RABGAP1L: variants seen among roughly 807,000 people sequenced by gnomAD.
RABGAP1L encodes the protein rab GTPase-activating protein 1-like.
A neutral mutation model predicts 137.7 loss-of-function variants in RABGAP1L; 63 were observed. The observed-to-expected ratio is 0.46, with a 90% CI of 0.37 to 0.56. The LOEUF is 0.56. RABGAP1L is among the 20% of genes least tolerant of loss of function. The probability of loss-of-function intolerance (pLI) is 0.00; values close to 1 mark genes in which losing one functional copy is unlikely to be tolerated. For missense variants in RABGAP1L, 1,095 were observed against 1,244.0 expected, an observed-to-expected ratio of 0.88 and a Z score of 1.80; for synonymous variants, 431 against 433.7, an observed-to-expected ratio of 0.99 and a Z score of 0.08.
At chr1:174,442,386 A>G (rs1314731156) in intron 13 of RABGAP1L, among the ~76,000 whole-genome samples, 1 of 152,092 alleles carries the variant, frequency 6.6e-6, no homozygotes, top group African/African-American at 2.4e-5. Context: ...TCACTTGAAA[A>G]TCGTTATTCT....
intron 13 of RABGAP1L, among the ~76,000 whole-genome samples, chr1:174,586,292 C>T (rs545579816): frequency 1.6e-5 from 2 of 126,516 alleles, no homozygotes; most frequent in East Asian, 6.4e-4. Flanking sequence ...CCAAACACCT[C>T]GTGAACAGAA....
At chr1:174,824,799 A>G (rs945860873) in intron 19 of RABGAP1L, among the ~76,000 whole-genome samples, 1 of 151,932 alleles carries the variant, frequency 6.6e-6, no homozygotes, top group African/African-American at 2.4e-5. Flanking sequence ...TCTCTCCCCT[A>G]CTGTTCCTAA....
At chr1:174,556,770 A>C (rs1421194410) in intron 13 of RABGAP1L, among the ~76,000 whole-genome samples, 2 of 152,250 alleles carry the variant, frequency 1.3e-5, no homozygotes, top group East Asian at 3.9e-4. Context: ...TGATAAGTGC[A>C]CATTTCTCCG....
chr1:174,808,471 T>A (rs1689549590), intron 18 of RABGAP1L, among the ~76,000 whole-genome samples: 1 of 151,936 alleles, frequency 6.6e-6, no homozygotes, highest in African/African-American at 2.4e-5. Flanking sequence ...AAACAAAAAA[T>A]TCAGTGAGAG....
Position 174,448,776 on chromosome 1 carries a change from C to T in RABGAP1L, c.1710+54631C>T, listed in dbSNP as rs1209525011. Reference sequence around the variant, plus strand: ...CCTGCTGCCTTTGTTGTCTGCTTCACTTACTTCCACATTTTCAAAATTTGC... The same window carrying T: ...CCTGCTGCCTTTGTTGTCTGCTTCATTTACTTCCACATTTTCAAAATTTGC... On this transcript the variant is annotated intron_variant, in intron 13 of 25. Coordinates refer to ENST00000681986, the MANE Select transcript of RABGAP1L (RefSeq NM_001366446.1). The surrounding 1 kb of genome is among the most constrained non-coding windows in gnomAD (Gnocchi z 4.2). 1 of 1,613,874 alleles carries T rather than the reference C, an allele frequency of 6.2e-7. No individual in the cohort carries two copies. The highest frequency in any genetic ancestry group is 8.5e-7 in the Non-Finnish European group (1 of 1,179,800).
chr1:174,253,759 C>T (rs1672897114), intron 7 of RABGAP1L, among the ~76,000 whole-genome samples: 1 of 152,068 alleles, frequency 6.6e-6, no homozygotes, highest in Admixed American at 6.6e-5. Flanking sequence ...TTCAGTCAAA[C>T]AACAAAGGAT....
chr1:174,627,968 A>AT (rs1673044049), intron 13 of RABGAP1L, among the ~76,000 whole-genome samples: 1 of 152,054 alleles, frequency 6.6e-6, no homozygotes, highest in Non-Finnish European at 1.5e-5. Context: ...GACTTCAACT[A>AT]TTTTTTATCT....
intron 19 of RABGAP1L, among the ~76,000 whole-genome samples, chr1:174,812,286 ATTATT>A (rs1166184611): frequency 1.3e-5 from 2 of 152,198 alleles, no homozygotes; most frequent in Non-Finnish European, 2.9e-5. Flanking sequence ...CTGTTTTAAG[ATTATT>A]TAGGACAAAG....
intron 13 of RABGAP1L, among the ~76,000 whole-genome samples, chr1:174,443,162 A>C (rs1185542274): frequency 6.6e-6 from 1 of 152,112 alleles, no homozygotes; most frequent in Non-Finnish European, 1.5e-5. Flanking sequence ...GGTTATTGTG[A>C]ATAGTGTTGT....
chr1:174,769,287 G>T (rs986196645), intron 18 of RABGAP1L, among the ~76,000 whole-genome samples: 2 of 152,018 alleles, frequency 1.3e-5, no homozygotes, highest in African/African-American at 4.8e-5. Flanking sequence ...TGTGGAAAAC[G>T]GTCATCTTGT....
intron 19 of RABGAP1L, among the ~76,000 whole-genome samples, chr1:174,838,834 C>T (rs1299207592): frequency 5.9e-5 from 8 of 135,916 alleles, no homozygotes; most frequent in African/African-American, 1.9e-4. Flanking sequence ...GGGAGAATGG[C>T]GTGAACCCGG....
intron 1 of RABGAP1L, among the ~76,000 whole-genome samples, chr1:174,168,936 T>A (rs929188495): frequency 7.9e-5 from 12 of 152,350 alleles, no homozygotes; most frequent in African/African-American, 2.6e-4. Context: ...TGGTGAAGTC[T>A]GGGCTTTTAG....
At chr1:174,668,898 G>A (rs529644738) in intron 14 of RABGAP1L, among the ~76,000 whole-genome samples, 151 of 152,058 alleles carry the variant, frequency 9.9e-4, no homozygotes, top group African/African-American at 3.1e-3. Flanking sequence ...CCATTTGTAC[G>A]TCTTCTTTTA....
intron 1 of RABGAP1L, among the ~76,000 whole-genome samples, chr1:174,214,179 G>C (rs781663192): frequency 2.8e-4 from 43 of 152,134 alleles, no homozygotes; most frequent in Non-Finnish European, 5.3e-4. Context: ...AAAATCAGTA[G>C]CATTTCTATA....
At chr1:174,618,614 A>G (rs1437725522) in intron 13 of RABGAP1L, among the ~76,000 whole-genome samples, 2 of 152,242 alleles carry the variant, frequency 1.3e-5, no homozygotes, top group African/African-American at 2.4e-5. Flanking sequence ...ACAAACAGAA[A>G]GGACATCCAC....
chr1:174,930,831 A>G (rs527924422), intron 19 of RABGAP1L, among the ~76,000 whole-genome samples: 8 of 152,324 alleles, frequency 5.3e-5, no homozygotes, highest in Middle Eastern at 6.8e-3. Context: ...ACACATAAGG[A>G]CTTTAAAATC....
At chr1:174,270,729 G>A (rs1316766658) in intron 7 of RABGAP1L, among the ~76,000 whole-genome samples, 1 of 152,068 alleles carries the variant, frequency 6.6e-6, no homozygotes, top group Non-Finnish European at 1.5e-5. Flanking sequence ...TGACAGAAGG[G>A]AGAAATTATT....
Position 174,931,504 on chromosome 1 carries a change from T to A in RABGAP1L, c.2341-25953T>A, listed in dbSNP as rs921157019. 2.0e-5 allele frequency among the ~76,000 whole-genome samples: 3 copies of A among 152,176 alleles called. No homozygotes were observed. In the East Asian group the frequency reaches 5.8e-4, roughly 29 times the overall value. ...CTTCAGCCCTGGAAAGACTTGCATGTTTTTTTAAAAAGAGACTAGGGAAGA... is the reference window on the plus strand; with the variant it reads ...CTTCAGCCCTGGAAAGACTTGCATGATTTTTTAAAAAGAGACTAGGGAAGA... On this transcript the variant is annotated intron_variant, in intron 19 of 25. Transcript: ENST00000681986.
At chr1:174,882,939 C>T (rs1446053383) in intron 19 of RABGAP1L, among the ~76,000 whole-genome samples, 3 of 152,090 alleles carry the variant, frequency 2.0e-5, no homozygotes, top group Non-Finnish European at 4.4e-5. Context: ...AATTCTGCCT[C>T]GTCCTTTTGA....
Sources: gnomAD v4.1 joint callset for allele counts (sites outside exome capture counted in the v4.1 genomes callset) on GRCh38, gnomAD v4.1.1 for gene constraint, Gnocchi (gnomAD v3.1) non-coding constraint, MANE v1.5 for transcripts, NCBI Gene and HGNC (gene_info 2026-07-23, HGNC 2026-07-21) for gene names.